The following UHRF1 variants were observed in gnomAD, a reference collection of about 807,000 sequenced individuals.
UHRF1 encodes the protein E3 ubiquitin-protein ligase UHRF1.
UHRF1 carries 9 observed loss-of-function variants against 96.5 expected under a neutral mutation model. That is an observed-to-expected ratio of 0.09 (90% CI 0.06 to 0.16). UHRF1 has a LOEUF of 0.16. UHRF1 is among the 10% of genes least tolerant of loss of function. UHRF1 has a pLI of 1.00. For missense variants in UHRF1, 626 were observed against 1,131.1 expected (o/e 0.55, Z 6.40); for synonymous variants, 455 against 469.9 (o/e 0.97, Z 0.41).
chr19:4,958,075 G>C (rs2033904181), intron 16 of UHRF1, among the ~76,000 whole-genome samples: 2 of 152,240 alleles, frequency 1.3e-5, no homozygotes, highest in Non-Finnish European at 2.9e-5. Flanking sequence ...AGGCAGCTCA[G>C]GGAAGGTCAG....
At chr19:4,940,795 C>A (rs1415476598) in intron 5 of UHRF1, among the ~76,000 whole-genome samples, 1 of 151,808 alleles carries the variant, frequency 6.6e-6, no homozygotes, top group Middle Eastern at 3.2e-3. Flanking sequence ...GCCTCAGCCT[C>A]CTGGGTAGCT....
chr19:4,903,657 T>C (rs1172677334), intron 1 of UHRF1: 1 of 151,704 alleles, frequency 6.6e-6, no homozygotes, highest in East Asian at 2.0e-4. Context: ...CAAGTGCCAC[T>C]GCAACTAGCT....
intron 2 of UHRF1, among the ~76,000 whole-genome samples, chr19:4,913,725 T>C (rs558201255): frequency 1.3e-5 from 2 of 152,194 alleles, no homozygotes; most frequent in South Asian, 2.1e-4. Flanking sequence ...CTCTGGTAGT[T>C]ATGAAAAGAT....
chr19:4,940,965 GCCCGGCCAA>G (rs1359838010), intron 5 of UHRF1, among the ~76,000 whole-genome samples: 1 of 151,754 alleles, frequency 6.6e-6, no homozygotes, highest in Non-Finnish European at 1.5e-5. Context: ...GAGCTACCAT[GCCCGGCCAA>G]CCTTTATGAG....
At chr19:4,958,729 G>A (rs1435940198) in intron 16 of UHRF1, among the ~76,000 whole-genome samples, 1 of 151,926 alleles carries the variant, frequency 6.6e-6, no homozygotes, top group East Asian at 1.9e-4. Context: ...CCCAGCACTT[G>A]GGGAGGCTGA....
chr19:4,959,175 C>A (rs927423149), intron 16 of UHRF1, among the ~76,000 whole-genome samples: 1 of 151,642 alleles, frequency 6.6e-6, no homozygotes, highest in Non-Finnish European at 1.5e-5. Context: ...ACTAAAAATA[C>A]AAAAATTAGC....
intron 9 of UHRF1, among the ~76,000 whole-genome samples, chr19:4,944,819 G>C (rs2033514855): frequency 6.6e-6 from 1 of 152,182 alleles, no homozygotes; most frequent in African/African-American, 2.4e-5. Context: ...TGTCAGCTGT[G>C]GGCTGTGTGT....
chr19:4,933,671 T>C (rs1414559620), intron 5 of UHRF1, among the ~76,000 whole-genome samples: 1 of 152,174 alleles, frequency 6.6e-6, no homozygotes, highest in Non-Finnish European at 1.5e-5. Context: ...GTTACCAACT[T>C]TCCAGGGACA....
At chr19:4,939,820 C>T (rs2602719) in intron 5 of UHRF1, among the ~76,000 whole-genome samples, 130 of 152,176 alleles carry the variant, frequency 8.5e-4, no homozygotes, top group African/African-American at 2.6e-3. Flanking sequence ...GTCAGGAGAT[C>T]GAGACCATCC....
Position 4,960,748 on chromosome 19 carries a change from A to G in UHRF1, c.2327A>G (p.Gln776Arg). The change falls in exon 17 of 17, where the codon CAG (glutamine) becomes CGG (arginine). Residue 776 changes from glutamine (Q) to arginine (R), a missense_variant. Gln to Arg is a conservative substitution (Grantham distance 43). This residue lies in a region of UHRF1 where 84 missense variants were observed against 150.3 expected (regional missense o/e 0.56). Transcript: ENST00000650932. ...LGRSYAMQVN[Q>R]PLQTVLNQLF... is the part of the protein sequence containing the mutation. Reference sequence around the variant, plus strand: ...CGCAGCTATGCCATGCAGGTGAACCAGCCTCTGCAGACCGTCCTCAACCAG... The same window carrying G: ...CGCAGCTATGCCATGCAGGTGAACCGGCCTCTGCAGACCGTCCTCAACCAG... The G allele has an allele frequency of 6.4e-7, 1 of 1,573,130 alleles. No homozygotes were observed. Among genetic ancestry groups the G allele is most frequent in the Non-Finnish European group, 8.6e-7 (1 of 1,158,868 alleles).
intron 16 of UHRF1, among the ~76,000 whole-genome samples, chr19:4,959,875 T>G (rs1034260595): frequency 6.6e-6 from 1 of 152,130 alleles, no homozygotes; most frequent in African/African-American, 2.4e-5. Flanking sequence ...TGTTTTTTCT[T>G]TGAGACGCAG....
At chr19:4,947,072 A>G in intron 10 of UHRF1, 33 bp from the exon 11 acceptor site, 1 of 1,519,062 alleles carries the variant, frequency 6.6e-7, no homozygotes, top group Non-Finnish European at 9.1e-7. Flanking sequence ...TTGCCTCTGC[A>G]GAGGGTTCAC....
At chr19:4,926,444 T>A (rs2032873559) in intron 2 of UHRF1, among the ~76,000 whole-genome samples, 1 of 152,164 alleles carries the variant, frequency 6.6e-6, no homozygotes, top group South Asian at 2.1e-4. Flanking sequence ...CGGATATTGG[T>A]GGGCCCTCGA....
intron 2 of UHRF1, among the ~76,000 whole-genome samples, chr19:4,917,980 A>C (rs377687499): frequency 6.6e-5 from 10 of 152,178 alleles, no homozygotes; most frequent in African/African-American, 2.4e-4. Flanking sequence ...TACAATGCCC[A>C]TGTTACAAAA....
intron 13 of UHRF1, 138 bp downstream of exon 13, chr19:4,951,134 C>T (rs1479987969): frequency 3.8e-5 from 46 of 1,209,544 alleles, no homozygotes; most frequent in South Asian, 1.8e-4. Context: ...GGTATGGTGG[C>T]GGGTGCCTGT....
At chr19:4,933,610 G>A (rs1056319815) in intron 5 of UHRF1, among the ~76,000 whole-genome samples, 3 of 152,088 alleles carry the variant, frequency 2.0e-5, no homozygotes, top group African/African-American at 7.2e-5. Flanking sequence ...ACACATGAAG[G>A]TTCTCCCTCC....
At chr19:4,908,225 T>C (rs28706685), upstream of UHRF1, among the ~76,000 whole-genome samples, 15 of 152,180 alleles carry the variant, frequency 9.9e-5, no homozygotes, top group Middle Eastern at 3.4e-3. Context: ...TCACAGATCC[T>C]GGGGGCGAGG....
chr19:4,958,249 C>G (rs79598037), intron 16 of UHRF1, among the ~76,000 whole-genome samples: 55 of 152,314 alleles, frequency 3.6e-4, no homozygotes, highest in African/African-American at 1.3e-3. Context: ...GCTGGTGGTC[C>G]GGGTCTGGCC....
intron 15 of UHRF1, among the ~76,000 whole-genome samples, chr19:4,955,341 G>A (rs1332085640): frequency 2.0e-5 from 3 of 151,954 alleles, no homozygotes; most frequent in African/African-American, 7.3e-5. Context: ...CCCTCGGCTC[G>A]GGGCCCCTTC....
Sources: gnomAD v4.1 joint callset for allele counts (sites outside exome capture counted in the v4.1 genomes callset) on GRCh38, gnomAD v4.1.1 for gene constraint, gnomAD v4.1.1 regional missense constraint, MANE v1.5 for transcripts, NCBI Gene and HGNC (gene_info 2026-07-23, HGNC 2026-07-21) for gene names.